Variants in EYA1 observed in about 807,000 individuals in gnomAD.
EYA1 encodes EYA transcriptional coactivator and phosphatase 1.
In EYA1, 16 loss-of-function variants were observed where a neutral mutation model predicts 82.0. That is an observed-to-expected ratio of 0.20 (90% confidence interval 0.13 to 0.30). EYA1 has a LOEUF of 0.30. EYA1 is among the 10% of genes least tolerant of loss of function. EYA1 has a pLI of 1.00. For missense variants in EYA1, 633 were observed against 730.7 expected (o/e 0.87, Z 1.54); for synonymous variants, 261 against 264.4 (o/e 0.99, Z 0.12).
Position 71,388,583 on chromosome 8 carries a change from G to C in EYA1, c.34-32072C>G, listed in dbSNP as rs551214477. Among the ~76,000 whole-genome samples, 4 of 152,204 alleles carry C rather than the reference G, an allele frequency of 2.6e-5. No homozygotes were observed. The South Asian group carries it at 8.3e-4, about 32-fold the overall frequency. On this transcript the variant is annotated intron_variant, in intron 2 of 18. Transcript: ENST00000643681. ...CTACTCATCATTTCCAGGTAGCTTC[G>C]ATCTCAGCTGCCGGGGAGTAGAAAC...
Position 71,481,604 on chromosome 8 carries a change from G to C in EYA1, c.33+54140C>G, listed in dbSNP as rs1006875851. Among the ~76,000 whole-genome samples the C allele has an allele frequency of 5.3e-5, 8 of 152,252 alleles. No homozygotes were observed. In the East Asian group the frequency reaches 5.8e-4, roughly 11 times the overall value. On this transcript the variant is annotated intron_variant, in intron 2 of 18. Coordinates refer to the EYA1 transcript ENST00000643681. ...GAGATTGCTTTTGCTTTGTGGTATTGATACTTAACTGGGCCAATTTCCTTT... is the reference window on the plus strand; with the variant it reads ...GAGATTGCTTTTGCTTTGTGGTATTCATACTTAACTGGGCCAATTTCCTTT...
At chr8:71,310,744 A>G (rs1821249016) in intron 7 of EYA1, among the ~76,000 whole-genome samples, 1 of 152,054 alleles carries the variant, frequency 6.6e-6, no homozygotes, top group African/African-American at 2.4e-5. Flanking sequence ...ATTATGCTAC[A>G]TTCCAAATTC....
At chr8:71,360,004 T>C (rs1002765206) in intron 1 of EYA1, among the ~76,000 whole-genome samples, 1 of 152,222 alleles carries the variant, frequency 6.6e-6, no homozygotes, top group African/African-American at 2.4e-5. Flanking sequence ...TAATGAAAAC[T>C]TAAATTTTAA....
chr8:71,487,361 C>G (rs1810652060), intron 2 of EYA1, among the ~76,000 whole-genome samples: 1 of 152,156 alleles, frequency 6.6e-6, no homozygotes, highest in Admixed American at 6.6e-5. Flanking sequence ...TGAACATGCT[C>G]CTAGTATCTG....
chr8:71,292,698 T>C (rs1314819713), intron 9 of EYA1, among the ~76,000 whole-genome samples: 1 of 151,950 alleles, frequency 6.6e-6, no homozygotes, highest in Non-Finnish European at 1.5e-5. Context: ...AAAGGGAGGA[T>C]TCCAGTGGTA....
intron 2 of EYA1, chr8:71,449,209 C>A: frequency 6.2e-6 from 1 of 160,208 alleles, no homozygotes; most frequent in South Asian, 1.6e-4. Context: ...CAAGTGGAAG[C>A]TTCCAGACAT....
At chr8:71,257,327 TTCTA>T (rs1366768928) in intron 11 of EYA1, among the ~76,000 whole-genome samples, 2 of 152,296 alleles carry the variant, frequency 1.3e-5, no homozygotes. Context: ...ATACATATTA[TTCTA>T]TCTACTTTTC....
At chr8:71,435,157 C>T (rs1223375747) in intron 2 of EYA1, among the ~76,000 whole-genome samples, 1 of 152,168 alleles carries the variant, frequency 6.6e-6, no homozygotes, top group African/African-American at 2.4e-5. Flanking sequence ...ATTTCTCCAG[C>T]TCACAGTGGT....
chr8:71,210,693 C>T (rs763183500), intron 17 of EYA1, among the ~76,000 whole-genome samples: 12 of 152,338 alleles, frequency 7.9e-5, no homozygotes, highest in Non-Finnish European at 1.3e-4. Flanking sequence ...ATGAAGAAGA[C>T]ATCGAGTCTT....
chr8:71,455,779 G>C (rs1449731884), intron 2 of EYA1, among the ~76,000 whole-genome samples: 2 of 152,262 alleles, frequency 1.3e-5, no homozygotes, highest in East Asian at 3.9e-4. Context: ...AGCTATTTAT[G>C]ACAAACCCAT....
intron 12 of EYA1, among the ~76,000 whole-genome samples, chr8:71,219,501 G>T (rs1809622676): frequency 6.6e-6 from 1 of 152,206 alleles, no homozygotes; most frequent in Non-Finnish European, 1.5e-5. Context: ...TTAATGAATA[G>T]AAAAATACTA....
At chr8:71,438,848 G>A (rs1806194730) in intron 2 of EYA1, among the ~76,000 whole-genome samples, 1 of 152,192 alleles carries the variant, frequency 6.6e-6, no homozygotes, top group Admixed American at 6.5e-5. Context: ...ACAGGTGCCA[G>A]ATCTGTGTAC....
At chr8:71,425,104 C>CAGA (rs1831350546) in intron 2 of EYA1, among the ~76,000 whole-genome samples, 1 of 75,292 alleles carries the variant, frequency 1.3e-5, no homozygotes, top group African/African-American at 5.6e-5. Context: ...ACTAAAAATA[C>CAGA]AAAAAAAAAA....
chr8:71,217,173 T>A (rs1239125433), intron 12 of EYA1, 150 bp from the exon 13 acceptor site: 1 of 659,264 alleles, frequency 1.5e-6, no homozygotes, highest in African/African-American at 1.8e-5. Context: ...CTTGTAAAAT[T>A]GACATTTTTA....
intron 2 of EYA1, among the ~76,000 whole-genome samples, chr8:71,524,297 C>T (rs1490175383): frequency 1.3e-5 from 2 of 152,164 alleles, no homozygotes; most frequent in East Asian, 3.8e-4. Context: ...TAGATGAACA[C>T]ATCACTAAAA....
intron 2 of EYA1, among the ~76,000 whole-genome samples, chr8:71,475,780 T>C (rs1055866559): frequency 6.6e-6 from 1 of 152,338 alleles, no homozygotes; most frequent in Middle Eastern, 3.4e-3. Flanking sequence ...TTGCTGGCTA[T>C]AATTTTCGTT....
At chr8:71,330,952 C>T (rs547004186) in intron 4 of EYA1, among the ~76,000 whole-genome samples, 8 of 151,750 alleles carry the variant, frequency 5.3e-5, no homozygotes, top group South Asian at 2.1e-4. Context: ...TATTTCTGGC[C>T]GGGTGCAGTG....
chr8:71,199,565 A>G, intron 17 of EYA1, 145 bp from the exon 18 acceptor site: 2 of 685,340 alleles, frequency 2.9e-6, no homozygotes, highest in Non-Finnish European at 5.3e-6. Context: ...TCTGTTTAAA[A>G]CAAAAATTCA....
intron 2 of EYA1, among the ~76,000 whole-genome samples, chr8:71,394,018 T>G (rs532896630): frequency 7.1e-4 from 108 of 152,312 alleles, no homozygotes; most frequent in African/African-American, 2.4e-3. Context: ...TGGTGGTTTT[T>G]ATTTGCATTT....
Sources: gnomAD v4.1 joint callset for allele counts (sites outside exome capture counted in the v4.1 genomes callset) on GRCh38, gnomAD v4.1.1 for gene constraint, MANE v1.5 for transcripts, NCBI Gene and HGNC (gene_info 2026-07-23, HGNC 2026-07-21) for gene names.